DFFB: variants seen among roughly 807,000 people sequenced by gnomAD.
The protein encoded by DFFB is DNA fragmentation factor 40 kDa subunit.
A neutral mutation model predicts 32.7 loss-of-function variants in DFFB; 29 were observed. The observed-to-expected ratio is 0.89, with a 90% CI of 0.66 to 1.21. The LOEUF (loss-of-function observed/expected upper bound fraction) is 1.21. DFFB is among the 50% of genes most tolerant of loss of function. DFFB has a pLI of 0.00. For missense variants in DFFB, 398 were observed against 440.6 expected, an observed-to-expected ratio of 0.90 and a Z score of 0.87; for synonymous variants, 170 against 177.1, an observed-to-expected ratio of 0.96 and a Z score of 0.32.
intron 5 of DFFB, among the ~76,000 whole-genome samples, chr1:3,872,136 G>A (rs753704209): frequency 6.6e-6 from 1 of 152,170 alleles, no homozygotes; most frequent in Non-Finnish European, 1.5e-5. Context: ...ACTTCTGGCC[G>A]GGCGCGGTGG....
At chr1:3,880,623 C>T (rs1378770348) in intron 6 of DFFB, among the ~76,000 whole-genome samples, 1 of 151,274 alleles carries the variant, frequency 6.6e-6, no homozygotes, top group Non-Finnish European at 1.5e-5. Flanking sequence ...GAGCTCGCTT[C>T]AGTGGGAAGT....
chr1:3,867,099 T>G (rs10752726), intron 3 of DFFB, among the ~76,000 whole-genome samples: 94,279 of 152,070 alleles, frequency 0.62, 32,431 homozygotes, highest in Non-Finnish European at 0.8. Flanking sequence ...AGTTTCACTG[T>G]GTTAGCCAGG....
At chr1:3,875,093 A>G (rs1454318347) in intron 6 of DFFB, among the ~76,000 whole-genome samples, 1 of 152,244 alleles carries the variant, frequency 6.6e-6, no homozygotes, top group Admixed American at 6.5e-5. Context: ...GATTCGGCAT[A>G]TTCATTTCAG....
chr1:3,874,375 C>T (rs537789906), intron 6 of DFFB, among the ~76,000 whole-genome samples: 4 of 27,602 alleles, frequency 1.4e-4, no homozygotes, highest in African/African-American at 6.1e-4. Context: ...GCACCTTTAC[C>T]ACACGCGTGT....
chr1:3,867,971 C>T lies in DFFB; in HGVS notation c.431-3C>T. 1 of 1,614,100 alleles carries T rather than the reference C, an allele frequency of 6.2e-7. No individual in the cohort carries two copies. The highest frequency in any genetic ancestry group is 1.1e-5 in the South Asian group (1 of 91,084). The stretch of plus-strand genomic sequence containing the variant: ...CTTGGGGGTCTTCTCGTTTTCCTTG[C>T]AGGCTTGGAGTCCCGATTTCAGAGC... On this transcript the variant is annotated splice_polypyrimidine_tract_variant and splice_region_variant and intron_variant, in intron 3 of 6. Coordinates refer to ENST00000378209, the MANE Select transcript of DFFB (RefSeq NM_004402.4).
intron 3 of DFFB, chr1:3,866,211 G>T: frequency 1.4e-6 from 1 of 691,422 alleles, no homozygotes; most frequent in Non-Finnish European, 2.6e-6. Flanking sequence ...CCAGAGTCCA[G>T]GGCAGCCCTC....
chr1:3,869,440 G>C (rs943030151), intron 4 of DFFB, among the ~76,000 whole-genome samples, 165 bp from the exon 5 acceptor site: 6 of 152,242 alleles, frequency 3.9e-5, no homozygotes, highest in Non-Finnish European at 8.8e-5. Flanking sequence ...TCCCAGGGTG[G>C]GACAGCCCAG....
chr1:3,872,939 G>A, intron 6 of DFFB: 1 of 1,222,762 alleles, frequency 8.2e-7, no homozygotes, highest in Non-Finnish European at 1.0e-6. Flanking sequence ...GTTTGAACCA[G>A]GGTGAGCTCA....
At chr1:3,860,756 A>C (rs1644864958) in intron 2 of DFFB, among the ~76,000 whole-genome samples, 1 of 151,834 alleles carries the variant, frequency 6.6e-6, no homozygotes. Flanking sequence ...CCCATCCATC[A>C]CTCAAGGTTC....
chr1:3,863,976 TA>T (rs1302296304), intron 2 of DFFB, among the ~76,000 whole-genome samples: 4 of 152,184 alleles, frequency 2.6e-5, no homozygotes, highest in African/African-American at 2.4e-5. Flanking sequence ...TTATTTTATT[TA>T]TTTTTTTTGA....
In DFFB at chr1:3,865,310, G is replaced by A. The variant is rs1245919567; in HGVS notation, c.242-502G>A. On this transcript the variant is annotated intron_variant, in intron 2 of 6. Coordinates refer to ENST00000378209, the MANE Select transcript of DFFB (RefSeq NM_004402.4). This position sits in a 1 kb window ranked among gnomAD's most constrained non-coding sequence, Gnocchi z 4.7. ...AGCCTTGCGTTCCCACTTGGCCGTG[G>A]TGATATTTCTTTGTGCATGTTACTG... Among the ~76,000 whole-genome samples the A allele has an allele frequency of 6.6e-6, 1 of 152,128 alleles. No individual in the cohort carries two copies. The highest frequency in any genetic ancestry group is 1.5e-5 in the Non-Finnish European group (1 of 68,018).
chr1:3,859,722 C>T (rs1425448004), intron 2 of DFFB, among the ~76,000 whole-genome samples: 1 of 152,234 alleles, frequency 6.6e-6, no homozygotes, highest in African/African-American at 2.4e-5. Flanking sequence ...TGCAAACCCC[C>T]TTTCTCCACT....
rs144266924 is a variant in DFFB at position 3,882,420 on chromosome 1, C to T, written c.783-1087C>T. Among the ~76,000 whole-genome samples the T allele has an allele frequency of 2.4e-3, 363 of 151,936 alleles. 14 individuals are homozygous for T. In the East Asian group the frequency reaches 0.063, roughly 27 times the overall value. Reference sequence around the variant, plus strand: ...TCACTCTGTTGCCCAGGCTGGAGTGCGGTGGCACAATCTTTCTCTCTGCAA... The same window carrying T: ...TCACTCTGTTGCCCAGGCTGGAGTGTGGTGGCACAATCTTTCTCTCTGCAA... On this transcript the variant is annotated intron_variant, in intron 6 of 6. Transcript: ENST00000378209.
At chr1:3,879,007 T>A (rs1360886010) in intron 6 of DFFB, among the ~76,000 whole-genome samples, 6 of 152,256 alleles carry the variant, frequency 3.9e-5, no homozygotes, top group Non-Finnish European at 2.9e-5. Context: ...AATTCTAGGA[T>A]GACAGATACC....
At chr1:3,858,592 C>A in intron 1 of DFFB, 126 bp from the exon 2 acceptor site, 1 of 1,209,502 alleles carries the variant, frequency 8.3e-7, no homozygotes, top group Non-Finnish European at 1.2e-6. Context: ...GCGACTGTGG[C>A]ATACAGGCGG....
At chr1:3,860,407 T>C in intron 2 of DFFB, 1 of 432,976 alleles carries the variant, frequency 2.3e-6, no homozygotes, top group South Asian at 1.6e-5. Context: ...TTTTGTATTT[T>C]TTGTAGAGAT....
chr1:3,881,811 C>T (rs139014401), intron 6 of DFFB, among the ~76,000 whole-genome samples: 3,866 of 151,838 alleles, frequency 0.025, 105 homozygotes, highest in African/African-American at 0.068. Context: ...CGGACATTAC[C>T]GTGAGCTGAG....
intron 2 of DFFB, 136 bp downstream of exon 2, chr1:3,858,980 C>G: frequency 7.5e-7 from 1 of 1,331,006 alleles, no homozygotes; most frequent in Non-Finnish European, 1.0e-6. Context: ...AGGAAGCCCT[C>G]TGGAGGCAGA....
At chr1:3,867,021 G>C (rs1437135744) in intron 3 of DFFB, among the ~76,000 whole-genome samples, 2 of 152,058 alleles carry the variant, frequency 1.3e-5, no homozygotes, top group East Asian at 3.9e-4. Flanking sequence ...TCAGCCTCCC[G>C]AGTAGCTGGG....
Sources: gnomAD v4.1 joint callset for allele counts (sites outside exome capture counted in the v4.1 genomes callset) on GRCh38, gnomAD v4.1.1 for gene constraint, Gnocchi (gnomAD v3.1) non-coding constraint, MANE v1.5 for transcripts, NCBI Gene and HGNC (gene_info 2026-07-23, HGNC 2026-07-21) for gene names.